The following CTNNA3 variants were observed in gnomAD, a reference collection of about 807,000 sequenced individuals.
CTNNA3 encodes the protein catenin alpha-3.
Under a neutral mutation model 95.7 loss-of-function variants are expected in CTNNA3, and 76 were observed. That is an observed-to-expected ratio of 0.79 (90% CI 0.66 to 0.96). CTNNA3 has a LOEUF of 0.96. Among genes scored for constraint, CTNNA3 ranks in the 40% least tolerant of loss-of-function variants. The pLI is 0.00. For missense variants in CTNNA3, 1,191 were observed against 1,089.8 expected, an observed-to-expected ratio of 1.09 and a Z score of -1.31; for synonymous variants, 431 against 374.4, an observed-to-expected ratio of 1.15 and a Z score of -1.74.
chr10:67,558,754 G>A lies in CTNNA3; in HGVS notation c.293-19085C>T, dbSNP rs193022322. Among the ~76,000 whole-genome samples, 7 of 152,320 alleles carry A rather than the reference G, an allele frequency of 4.6e-5. No homozygotes were observed. The East Asian group carries it at 1.2e-3, about 25-fold the overall frequency. ...CTGGTCAAAGAAAGGGGTGACAGAT[G>A]GCACCTGGAAAATCGGGTCACTCCC... On this transcript the variant is annotated intron_variant, in intron 3 of 17. Transcript: ENST00000433211.
intron 12 of CTNNA3, among the ~76,000 whole-genome samples, chr10:66,369,804 G>C (rs1036340084): frequency 1.3e-5 from 2 of 151,776 alleles, no homozygotes; most frequent in Non-Finnish European, 2.9e-5. Context: ...ACCTTATTTC[G>C]GCAACAGCTA....
At chr10:66,198,778 T>A (rs1357995469) in intron 13 of CTNNA3, among the ~76,000 whole-genome samples, 1 of 152,200 alleles carries the variant, frequency 6.6e-6, no homozygotes, top group African/African-American at 2.4e-5. Context: ...CAATGTACTT[T>A]ATGTAATATA....
intron 17 of CTNNA3, among the ~76,000 whole-genome samples, chr10:65,931,510 C>T (rs982128958): frequency 2.6e-5 from 4 of 152,090 alleles, no homozygotes; most frequent in Non-Finnish European, 5.9e-5. Context: ...CCTGGAGCAA[C>T]AAGGTTGTTA....
chr10:67,308,719 T>A (rs192382751), intron 5 of CTNNA3, among the ~76,000 whole-genome samples: 118 of 152,264 alleles, frequency 7.7e-4, no homozygotes, highest in South Asian at 1.4e-3. Context: ...AATCAAACTA[T>A]TTAAGTACTA....
intron 5 of CTNNA3, among the ~76,000 whole-genome samples, chr10:67,369,314 A>G (rs1843329428): frequency 6.6e-6 from 1 of 152,186 alleles, no homozygotes; most frequent in South Asian, 2.1e-4. Context: ...AAAACTGGAT[A>G]AACATCCAGA....
intron 6 of CTNNA3, among the ~76,000 whole-genome samples, chr10:67,210,300 C>T (rs1352079441): frequency 6.6e-6 from 1 of 151,680 alleles, no homozygotes; most frequent in Non-Finnish European, 1.5e-5. Flanking sequence ...GACTGAGACT[C>T]CATCTCAAAA....
chr10:67,147,936 G>A lies in CTNNA3; in HGVS notation c.1047+32381C>T, dbSNP rs560500203. ...AAAAATATATACAAGAATTACTCTT[G>A]TTTCTTCAATAACTTCAGAATAAAA... On this transcript the variant is annotated intron_variant, in intron 7 of 17. Transcript: ENST00000433211. Among the ~76,000 whole-genome samples the A allele has an allele frequency of 7.4e-4, 113 of 152,240 alleles. 1 individual carries two copies. Among genetic ancestry groups the A allele is most frequent in the African/African-American group, 2.5e-3 (103 of 41,554 alleles).
chr10:66,765,740 T>C (rs114228530), intron 9 of CTNNA3, among the ~76,000 whole-genome samples: 53 of 152,186 alleles, frequency 3.5e-4, no homozygotes, highest in African/African-American at 1.2e-3. Flanking sequence ...ATGTCTCTAG[T>C]TTCCAAGCAG....
intron 9 of CTNNA3, among the ~76,000 whole-genome samples, chr10:66,629,970 C>G (rs1465026359): frequency 2.6e-5 from 4 of 152,134 alleles, no homozygotes; most frequent in Admixed American, 2.6e-4. Context: ...CCACCTAAGT[C>G]AGATTTTTCC....
In CTNNA3 at chr10:66,838,592, A is replaced by G. The variant is rs190194831; in HGVS notation, c.1048-63068T>C. Among the ~76,000 whole-genome samples the G allele has an allele frequency of 2.2e-3, 336 of 152,278 alleles. 2 individuals are homozygous for G. The highest frequency in any genetic ancestry group is 4.4e-3 in the Non-Finnish European group (298 of 68,006). On this transcript the variant is annotated intron_variant, in intron 7 of 17. Transcript: ENST00000433211. The stretch of plus-strand genomic sequence containing the variant: ...ATGCCTTCATCAGTTAGAGATAACT[A>G]TCATAGGCTTGGACAGCATATGTAT...
chr10:67,052,313 A>ACTCTCTCTCTCTCTCTCTCTCT (rs3841706), intron 7 of CTNNA3, among the ~76,000 whole-genome samples: 8 of 121,120 alleles, frequency 6.6e-5, no homozygotes, highest in South Asian at 3.2e-4. Flanking sequence ...CCCACTCATC[A>ACTCTCTCTCTCTCTCTCTCTCT]CTCTCTCTCT....
intron 7 of CTNNA3, among the ~76,000 whole-genome samples, chr10:66,952,540 T>C (rs1848587710): frequency 6.8e-6 from 1 of 146,220 alleles, no homozygotes; most frequent in Non-Finnish European, 1.5e-5. Context: ...TGTGTATTTA[T>C]GTGTGTGTGT....
intron 7 of CTNNA3, among the ~76,000 whole-genome samples, chr10:67,172,977 G>GA (rs61247841): frequency 0.088 from 11,458 of 130,460 alleles, 638 homozygotes; most frequent in African/African-American, 0.16. Context: ...CCCATCTCAG[G>GA]AAAAAAAAAA....
intron 13 of CTNNA3, among the ~76,000 whole-genome samples, chr10:66,225,959 T>C (rs544983123): frequency 6.6e-6 from 1 of 152,262 alleles, no homozygotes; most frequent in African/African-American, 2.4e-5. Context: ...GAGTTCTTAA[T>C]ATTAATCCCT....
chr10:66,859,388 T>A (rs1843814026), intron 7 of CTNNA3, among the ~76,000 whole-genome samples: 1 of 151,380 alleles, frequency 6.6e-6, no homozygotes, highest in Non-Finnish European at 1.5e-5. Flanking sequence ...AAGAAGACAT[T>A]TATGCAGCCA....
At chr10:66,515,180 A>C (rs1256445717) in intron 11 of CTNNA3, among the ~76,000 whole-genome samples, 1 of 152,068 alleles carries the variant, frequency 6.6e-6, no homozygotes, top group Admixed American at 6.6e-5. Flanking sequence ...ATTTTAATGT[A>C]GAGAGAGCTG....
intron 9 of CTNNA3, among the ~76,000 whole-genome samples, chr10:66,689,477 C>T (rs1419151705): frequency 1.3e-5 from 2 of 152,088 alleles, no homozygotes; most frequent in Non-Finnish European, 2.9e-5. Flanking sequence ...CTTAAACAAA[C>T]TTTTGGAACA....
Position 66,621,793 on chromosome 10 carries a change from CA to C in CTNNA3, c.1282-10del. 1 of 1,566,738 alleles carries C rather than the reference CA, an allele frequency of 6.4e-7. No individual in the cohort carries two copies. Among genetic ancestry groups the C allele is most frequent in the African/African-American group, 1.4e-5 (1 of 73,432 alleles). On this transcript the variant is annotated splice_polypyrimidine_tract_variant and intron_variant, in intron 9 of 17. Transcript: ENST00000433211. Reference sequence around the variant, plus strand: ...CAAGCAAGATTTGCCACCTTAAATACAATCCAAAATAATGGAAATTATTTTA... The same window carrying C: ...CAAGCAAGATTTGCCACCTTAAATACATCCAAAATAATGGAAATTATTTTA...
intron 7 of CTNNA3, among the ~76,000 whole-genome samples, chr10:66,862,340 A>G (rs1426259114): frequency 6.6e-6 from 1 of 152,226 alleles, no homozygotes; most frequent in Admixed American, 6.5e-5. Context: ...TATGCTGCCT[A>G]AAGTTACAGT....
Sources: allele counts gnomAD v4.1 joint callset (sites outside exome capture counted in the v4.1 genomes callset), GRCh38; gene constraint gnomAD v4.1.1; transcripts MANE v1.5; gene names NCBI Gene and HGNC (gene_info 2026-07-23, HGNC 2026-07-21).